The following VIPAS39 variants were observed in gnomAD, a reference collection of about 807,000 sequenced individuals.
The protein encoded by VIPAS39 is VPS33B interacting protein, apical-basolateral polarity regulator, spe-39 homolog.
VIPAS39 carries 63 observed loss-of-function variants against 84.7 expected under a neutral mutation model. The observed-to-expected ratio is 0.74, with a 90% CI of 0.61 to 0.92. The LOEUF is 0.92. Ranked by LOEUF, VIPAS39 falls within the 40% of genes least tolerant of loss-of-function variation. VIPAS39 has a pLI of 0.00. For missense variants in VIPAS39, 499 were observed against 604.5 expected (o/e 0.83, Z 1.83); for synonymous variants, 192 against 216.5 (o/e 0.89, Z 0.99).
At chr14:77,448,087 T>A (rs1331437200) in intron 7 of VIPAS39, among the ~76,000 whole-genome samples, 1 of 152,032 alleles carries the variant, frequency 6.6e-6, no homozygotes, top group Non-Finnish European at 1.5e-5. Context: ...CCCGAGTAGC[T>A]GGGACTACAG....
At chr14:77,450,519 T>C (rs973864710) in intron 4 of VIPAS39, among the ~76,000 whole-genome samples, 1 of 152,232 alleles carries the variant, frequency 6.6e-6, no homozygotes, top group Non-Finnish European at 1.5e-5. Context: ...ATGTTATTTA[T>C]TTATTTATTG....
Position 77,453,284 on chromosome 14 carries a change from G to A in VIPAS39, c.196+15C>T, listed in dbSNP as rs781756788. The A allele has an allele frequency of 1.2e-6, 2 of 1,611,794 alleles. No homozygotes were observed. Among genetic ancestry groups the A allele is most frequent in the Admixed American group, 3.3e-5 (2 of 59,996 alleles). On this transcript the variant is annotated intron_variant, in intron 3 of 19. Coordinates refer to ENST00000557658, the MANE Select transcript of VIPAS39 (RefSeq NM_001193315.2). ...TCCTCAACATCTATCCCTGCCTAGG[G>A]ACTCTTCTACTTACTTCCCACAGGT...
At chr14:77,444,417 A>G (rs2078753975) in intron 7 of VIPAS39, 76 bp from the exon 8 acceptor site, 1 of 1,330,418 alleles carries the variant, frequency 7.5e-7, no homozygotes, top group Non-Finnish European at 1.1e-6. Context: ...ACTAAAGAAT[A>G]AGCAATAATG....
chr14:77,431,100 G>A (rs1208131910), intron 16 of VIPAS39, among the ~76,000 whole-genome samples: 1 of 152,120 alleles, frequency 6.6e-6, no homozygotes, highest in African/African-American at 2.4e-5. Flanking sequence ...AGAAAACATG[G>A]GAAAAAGCTC....
intron 14 of VIPAS39, among the ~76,000 whole-genome samples, chr14:77,434,564 T>C (rs1166561131): frequency 6.6e-6 from 1 of 152,142 alleles, no homozygotes; most frequent in African/African-American, 2.4e-5. Context: ...CTGCCTGTTA[T>C]CATGGAATCC....
intron 16 of VIPAS39, among the ~76,000 whole-genome samples, chr14:77,431,842 T>C (rs1371392155): frequency 6.6e-6 from 1 of 152,218 alleles, no homozygotes; most frequent in East Asian, 1.9e-4. Flanking sequence ...ATGTAACTAT[T>C]ATAAATTATT....
At chr14:77,433,431 C>T (rs970053003) in intron 16 of VIPAS39, among the ~76,000 whole-genome samples, 2 of 152,196 alleles carry the variant, frequency 1.3e-5, no homozygotes, top group African/African-American at 2.4e-5. Flanking sequence ...AAACTCCTGA[C>T]CTCAGGTGAT....
rs376037666 is a variant in VIPAS39, at chr14:77,429,563, T to C, written c.1266+118A>G. The C allele has an allele frequency of 4.1e-5, 43 of 1,043,422 alleles. No homozygotes were observed. In the South Asian group the frequency reaches 4.9e-4, roughly 12 times the overall value. 64.6% of individuals were successfully genotyped at this position (1,043,422 alleles called of 1,614,324 possible). A position where few individuals can be genotyped will look rare whatever the true frequency, so the allele number is the denominator to read the frequency against. On this transcript the variant is annotated intron_variant, in intron 17 of 19. Coordinates refer to ENST00000557658, the MANE Select transcript of VIPAS39 (RefSeq NM_001193315.2). ...TCTGTCTTGAGGCCTATTGCAGCCA[T>C]TGTGCTGCCTTTAAGGGAAAACAAG... is the stretch of plus-strand genomic sequence containing the variant.
chr14:77,428,482 T>C lies in VIPAS39; in HGVS notation c.1357-8A>G, dbSNP rs749965150. The C allele has an allele frequency of 1.2e-6, 2 of 1,613,394 alleles. No individual in the cohort carries two copies. The highest frequency in any genetic ancestry group is 1.7e-5 in the Admixed American group (1 of 59,986). On this transcript the variant is annotated splice_region_variant and splice_polypyrimidine_tract_variant and intron_variant, in intron 18 of 19. Transcript: ENST00000557658. ...CTTCAGGTCCCGGTAGGTCTGTGCA[T>C]CAAAACAAACAATACAAACCTCCAA... is the stretch of plus-strand genomic sequence containing the variant.
chr14:77,444,341 C>T lies in VIPAS39; in HGVS notation c.505G>A (p.Val169Ile), dbSNP rs371165512. 40 of 1,612,664 alleles carry T rather than the reference C, an allele frequency of 2.5e-5. No individual in the cohort carries two copies. Among genetic ancestry groups the T allele is most frequent in the Non-Finnish European group, 3.3e-5 (39 of 1,179,042 alleles). ...DTVRRLRKGK[V>I]CSLERFRSLQ... ...GAGCGGAATCTCTCTAGTGAGCAAA[C>T]CTGGCAGAATAACACTAGAATTAGT... The change falls in exon 8 of 20, where the codon GTT becomes ATT. Residue 169 changes from valine to isoleucine, a missense_variant and splice_region_variant. By Grantham distance (29) the Val-to-Ile change is conservative. Transcript: ENST00000557658.
chr14:77,453,729 G>C (rs2078919199), intron 2 of VIPAS39, among the ~76,000 whole-genome samples: 1 of 151,674 alleles, frequency 6.6e-6, no homozygotes, highest in Non-Finnish European at 1.5e-5. Context: ...ACACAACAAA[G>C]ATAAATCTTC....
intron 11 of VIPAS39, chr14:77,440,608 C>G (rs2078686491): frequency 6.1e-6 from 1 of 164,634 alleles, no homozygotes; most frequent in Non-Finnish European, 1.3e-5. Context: ...AGAAAGAATA[C>G]ATCATTTGGA....
intron 17 of VIPAS39, among the ~76,000 whole-genome samples, chr14:77,429,305 A>C (rs763026019): frequency 6.6e-6 from 1 of 152,210 alleles, no homozygotes; most frequent in African/African-American, 2.4e-5. Flanking sequence ...GAAAGAGCAC[A>C]CTTCTCCTGA....
intron 12 of VIPAS39, 86 bp from the exon 13 acceptor site, chr14:77,436,005 A>G: frequency 7.2e-7 from 1 of 1,380,936 alleles, no homozygotes; most frequent in South Asian, 1.2e-5. Flanking sequence ...CATAAGTATA[A>G]GAGGCTCACG....
chr14:77,432,107 C>T (rs1051351939), intron 16 of VIPAS39, among the ~76,000 whole-genome samples: 1 of 152,098 alleles, frequency 6.6e-6, no homozygotes, highest in Non-Finnish European at 1.5e-5. Context: ...TAGATTTTAG[C>T]TGTTTTTGCC....
chr14:77,432,884 G>A (rs548454933), intron 16 of VIPAS39, among the ~76,000 whole-genome samples: 4 of 152,216 alleles, frequency 2.6e-5, no homozygotes, highest in African/African-American at 7.2e-5. Context: ...AATTTTAGGG[G>A]TTCTTACCAC....
chr14:77,434,150 C>A, intron 15 of VIPAS39, 112 bp downstream of exon 15: 1 of 1,279,672 alleles, frequency 7.8e-7, no homozygotes, highest in Non-Finnish European at 1.1e-6. Flanking sequence ...CATTCCTTTC[C>A]ACCTTTAACC....
chr14:77,437,962 T>C, intron 11 of VIPAS39, 81 bp from the exon 12 acceptor site: 1 of 1,430,940 alleles, frequency 7.0e-7, no homozygotes, highest in Middle Eastern at 2.0e-4. Context: ...CTTCCCATGC[T>C]TTAAAAAAAC....
At chr14:77,449,645 C>T in intron 5 of VIPAS39, 69 bp downstream of exon 5, 3 of 1,592,834 alleles carry the variant, frequency 1.9e-6, no homozygotes, top group Non-Finnish European at 2.6e-6. Flanking sequence ...TACCTGTCCC[C>T]ATAACTCCCC....
Sources: allele counts gnomAD v4.1 joint callset (sites outside exome capture counted in the v4.1 genomes callset), GRCh38; gene constraint gnomAD v4.1.1; transcripts MANE v1.5; gene names NCBI Gene and HGNC (gene_info 2026-07-23, HGNC 2026-07-21).